CDK14: variants seen among roughly 807,000 people sequenced by gnomAD.
The protein encoded by CDK14 is cyclin-dependent kinase 14.
In CDK14, 34 loss-of-function variants were observed where a neutral mutation model predicts 60.7. The observed-to-expected ratio is 0.56, with a 90% CI of 0.43 to 0.75. The LOEUF is 0.75. CDK14 is among the 30% of genes least tolerant of loss of function. The pLI is 0.00. For synonymous variants in CDK14, 197 were observed against 203.7 expected (o/e 0.97, Z 0.28); for missense variants, 482 against 564.1 (o/e 0.85, Z 1.47).
intron 4 of CDK14, among the ~76,000 whole-genome samples, chr7:90,784,644 A>G (rs1393571387): frequency 6.6e-6 from 1 of 152,178 alleles, no homozygotes; most frequent in Admixed American, 6.5e-5. Context: ...GATTATGACA[A>G]GGTGTAATTA....
chr7:90,736,536 G>T (rs892906745), intron 3 of CDK14, among the ~76,000 whole-genome samples: 1 of 151,682 alleles, frequency 6.6e-6, no homozygotes, highest in Non-Finnish European at 1.5e-5. Flanking sequence ...ATAGACACGG[G>T]TGTTATTTTT....
At chr7:90,842,213 T>C (rs1257449300) in intron 5 of CDK14, among the ~76,000 whole-genome samples, 2 of 152,216 alleles carry the variant, frequency 1.3e-5, no homozygotes, top group East Asian at 3.8e-4. Flanking sequence ...TACAAGATGC[T>C]ATTTTGATCC....
intron 3 of CDK14, among the ~76,000 whole-genome samples, chr7:90,741,682 TATCTAAAGCAC>T (rs1803352483): frequency 6.6e-6 from 1 of 152,194 alleles, no homozygotes; most frequent in African/African-American, 2.4e-5. Context: ...AAGAGATTAG[TATCTAAAGCAC>T]AAATGCTTGT....
chr7:90,629,543 C>T (rs1459663732), intron 2 of CDK14, among the ~76,000 whole-genome samples: 1 of 152,080 alleles, frequency 6.6e-6, no homozygotes, highest in East Asian at 1.9e-4. Context: ...TTGATGGGAA[C>T]TACTGGTTGT....
chr7:90,794,047 G>A (rs1002464492), intron 5 of CDK14, among the ~76,000 whole-genome samples: 2 of 152,082 alleles, frequency 1.3e-5, no homozygotes, highest in Non-Finnish European at 2.9e-5. Context: ...GTACAAAAGA[G>A]AGAAATTTTA....
intron 2 of CDK14, chr7:90,709,738 C>T: frequency 7.0e-7 from 1 of 1,423,482 alleles, no homozygotes; most frequent in East Asian, 2.7e-5. Context: ...TCTTATTCCA[C>T]TGAGATTAGC....
chr7:91,080,541 A>G (rs1798457047), intron 12 of CDK14, among the ~76,000 whole-genome samples: 1 of 152,170 alleles, frequency 6.6e-6, no homozygotes, highest in Non-Finnish European at 1.5e-5. Flanking sequence ...CTCCCCTGGG[A>G]AGCATTCCCT....
intron 14 of CDK14, among the ~76,000 whole-genome samples, chr7:91,195,945 G>A (rs1247320880): frequency 6.6e-6 from 1 of 152,176 alleles, no homozygotes; most frequent in Admixed American, 6.5e-5. Context: ...GCAAACATGT[G>A]TCTGTCCCAT....
At chr7:90,796,364 T>G (rs567579154) in intron 5 of CDK14, among the ~76,000 whole-genome samples, 23 of 152,292 alleles carry the variant, frequency 1.5e-4, no homozygotes, top group African/African-American at 4.6e-4. Context: ...AAAAATAATA[T>G]TCTATAGAAA....
intron 1 of CDK14, among the ~76,000 whole-genome samples, chr7:90,603,240 A>G (rs1388858444): frequency 1.3e-5 from 2 of 152,210 alleles, no homozygotes; most frequent in African/African-American, 4.8e-5. Flanking sequence ...AAGGAACTAG[A>G]TGTTTGCCAA....
intron 2 of CDK14, among the ~76,000 whole-genome samples, chr7:90,630,881 G>GGTGTATGTGTGT (rs1554422957): frequency 2.5e-5 from 2 of 78,836 alleles, no homozygotes; most frequent in Non-Finnish European, 5.0e-5. Context: ...TACATCTTGG[G>GGTGTATGTGTGT]GTGTGTATGT....
intron 5 of CDK14, among the ~76,000 whole-genome samples, chr7:90,862,657 A>G (rs146182526): frequency 6.6e-6 from 1 of 152,182 alleles, no homozygotes. Flanking sequence ...ACTATTAAAT[A>G]ATAGGATCAA....
chr7:91,189,334 G>A (rs1398559193), intron 14 of CDK14, among the ~76,000 whole-genome samples: 1 of 152,072 alleles, frequency 6.6e-6, no homozygotes, highest in Non-Finnish European at 1.5e-5. Context: ...TAGTGTGTGT[G>A]TTCATTATAC....
At chr7:90,792,531 G>A (rs764203027) in intron 5 of CDK14, among the ~76,000 whole-genome samples, 1 of 152,092 alleles carries the variant, frequency 6.6e-6, no homozygotes, top group Non-Finnish European at 1.5e-5. Context: ...ATGAAACCAT[G>A]TTCTCCCTGT....
At chr7:90,730,578 GT>G (rs1259438631) in intron 3 of CDK14, among the ~76,000 whole-genome samples, 44 of 152,258 alleles carry the variant, frequency 2.9e-4, no homozygotes, top group Non-Finnish European at 5.0e-4. Context: ...TCTCATTGTG[GT>G]TTTGATTTGC....
At chr7:90,827,624 A>C (rs1017983987) in intron 5 of CDK14, among the ~76,000 whole-genome samples, 1 of 152,222 alleles carries the variant, frequency 6.6e-6, no homozygotes, top group Non-Finnish European at 1.5e-5. Context: ...GTCTTCTGCC[A>C]GTGGGTAAAT....
intron 4 of CDK14, among the ~76,000 whole-genome samples, chr7:90,751,298 G>A (rs1018281997): frequency 6.6e-6 from 1 of 152,004 alleles, no homozygotes. Context: ...CATATAAAGG[G>A]AACACCATTA....
At chr7:90,685,500 T>G (rs1023131078) in intron 2 of CDK14, among the ~76,000 whole-genome samples, 2 of 152,026 alleles carry the variant, frequency 1.3e-5, no homozygotes, top group East Asian at 1.9e-4. Flanking sequence ...TCTTTAGAGA[T>G]AGAGTCTTGT....
chr7:91,071,223 A>C (rs1312647805), intron 11 of CDK14, among the ~76,000 whole-genome samples: 1 of 152,264 alleles, frequency 6.6e-6, no homozygotes, highest in Non-Finnish European at 1.5e-5. Context: ...AGCCAAAAGA[A>C]AAAGAATAAT....
Sources: gnomAD v4.1 joint callset for allele counts (sites outside exome capture counted in the v4.1 genomes callset) on GRCh38, gnomAD v4.1.1 for gene constraint, MANE v1.5 for transcripts, NCBI Gene and HGNC (gene_info 2026-07-23, HGNC 2026-07-21) for gene names.